Variants in UBE2W observed in about 807,000 individuals in gnomAD.
UBE2W encodes ubiquitin conjugating enzyme E2 W.
In UBE2W, 18 loss-of-function variants were observed where a neutral mutation model predicts 27.2. That is an observed-to-expected ratio of 0.66 (90% CI 0.46 to 0.98). The LOEUF is 0.98. UBE2W is among the 50% of genes least tolerant of loss of function. UBE2W has a pLI of 0.00. For missense variants in UBE2W, 90 were observed against 180.2 expected (o/e 0.50, Z 2.87); for synonymous variants, 53 against 57.2 (o/e 0.93, Z 0.33).
chr8:73,792,022 G>C lies in UBE2W; in HGVS notation c.*2080C>G. 2.0e-6 allele frequency: 2 copies of C among 985,152 alleles called. No homozygotes were observed. The highest frequency in any genetic ancestry group is 2.4e-6 in the Non-Finnish European group (2 of 829,792). The allele number at this position is 985,152 out of a possible 1,614,324, so 61.0% of individuals were successfully genotyped here. On this transcript the variant is annotated 3_prime_UTR_variant, in exon 6 of 6. Transcript: ENST00000602593. ...GGTCATTTCTTTATAAAAGCATTTT[G>C]GTAAGAGAACCAGCAATATGGAGAC...
chr8:73,840,189 T>C (rs1674134956), intron 1 of UBE2W, among the ~76,000 whole-genome samples: 1 of 152,140 alleles, frequency 6.6e-6, no homozygotes, highest in Non-Finnish European at 1.5e-5. Context: ...CCTGAGTAGC[T>C]GGGACTACAG....
At chr8:73,812,191 T>C (rs1809178242) in intron 3 of UBE2W, among the ~76,000 whole-genome samples, 1 of 150,098 alleles carries the variant, frequency 6.7e-6, no homozygotes. Context: ...TTTCTTTAAA[T>C]TCTGGACATC....
chr8:73,858,352 C>T (rs1340296664), intron 1 of UBE2W, among the ~76,000 whole-genome samples: 2 of 91,934 alleles, frequency 2.2e-5, no homozygotes, highest in African/African-American at 8.8e-5. Context: ...CAGAGCAAGA[C>T]TTCATCTCAA....
chr8:73,834,550 G>A (rs1019105982), intron 1 of UBE2W, among the ~76,000 whole-genome samples: 3 of 152,064 alleles, frequency 2.0e-5, no homozygotes, highest in Non-Finnish European at 4.4e-5. Flanking sequence ...GCTGAGGCAG[G>A]AGAATTGTTT....
At chr8:73,836,157 TCCTCATCAATATCA>T (rs1810302151) in intron 1 of UBE2W, among the ~76,000 whole-genome samples, 1 of 152,188 alleles carries the variant, frequency 6.6e-6, no homozygotes, top group Non-Finnish European at 1.5e-5. Context: ...GTCATCTACT[TCCTCATCAATATCA>T]CTAAGTCACA....
chr8:73,833,586 C>T (rs1341071457), intron 1 of UBE2W, among the ~76,000 whole-genome samples: 1 of 152,082 alleles, frequency 6.6e-6, no homozygotes, highest in African/African-American at 2.4e-5. Flanking sequence ...ATTTGTACAG[C>T]TTTTATTGTA....
At chr8:73,834,312 TTC>T (rs1400721354) in intron 1 of UBE2W, among the ~76,000 whole-genome samples, 2 of 152,234 alleles carry the variant, frequency 1.3e-5, no homozygotes, top group Non-Finnish European at 1.5e-5. Flanking sequence ...TTATGCAAAT[TTC>T]TGTTTGAACA....
chr8:73,806,569 G>A (rs1412990465), intron 4 of UBE2W, among the ~76,000 whole-genome samples: 2 of 151,680 alleles, frequency 1.3e-5, no homozygotes, highest in East Asian at 3.9e-4. Flanking sequence ...AAATTAGCCG[G>A]GCGTGTTGGC....
chr8:73,870,225 A>C (rs567234056), intron 1 of UBE2W: 2 of 1,564,186 alleles, frequency 1.3e-6, no homozygotes, highest in Non-Finnish European at 1.7e-6. Context: ...TATTTGACTA[A>C]TTCTCAAGTT....
At chr8:73,872,631 A>G (rs140363686) in intron 1 of UBE2W, among the ~76,000 whole-genome samples, 223 of 152,344 alleles carry the variant, frequency 1.5e-3, no homozygotes, top group African/African-American at 5.2e-3. Context: ...AAATCTGTTG[A>G]TGCTGTGAAG....
Position 73,790,000 on chromosome 8 carries a change from C to CTAAT in UBE2W, c.*4098_*4101dup. The CTAAT allele has an allele frequency of 4.1e-6, 4 of 985,050 alleles. No homozygotes were observed. Among genetic ancestry groups the CTAAT allele is most frequent in the Non-Finnish European group, 4.8e-6 (4 of 829,752 alleles). The allele number at this position is 985,050 out of a possible 1,614,324, so 61.0% of individuals were successfully genotyped here. A position where few individuals can be genotyped will look rare whatever the true frequency, so the allele number is the denominator to read the frequency against. On this transcript the variant is annotated 3_prime_UTR_variant, in exon 6 of 6. Transcript: ENST00000602593. ...TTTCCTTAATATTAGTACTAAAGAA[C>CTAAT]TAATTACAGCTAACAGCTCATTTAC...
intron 1 of UBE2W, among the ~76,000 whole-genome samples, chr8:73,866,281 AAAAAAAAAAAT>A (rs1368561767): frequency 1.1e-3 from 124 of 112,194 alleles, no homozygotes; most frequent in South Asian, 5.8e-3. Context: ...AAAAAAAAAA[AAAAAAAAAAAT>A]ATATATATAT....
In UBE2W at chr8:73,792,063, C is replaced by T. The variant is rs1808226266; in HGVS notation, c.*2039G>A. The T allele has an allele frequency of 1.0e-6, 1 of 985,190 alleles. No individual in the cohort carries two copies. The highest frequency in any genetic ancestry group is 1.2e-6 in the Non-Finnish European group (1 of 829,780). The allele number at this position is 985,190 out of a possible 1,614,324, so 61.0% of individuals were successfully genotyped here. A position where few individuals can be genotyped will look rare whatever the true frequency, so the allele number is the denominator to read the frequency against. On this transcript the variant is annotated 3_prime_UTR_variant, in exon 6 of 6. Transcript: ENST00000602593. The stretch of plus-strand genomic sequence containing the variant: ...ATATGGAGACAGATTTCTCCCTAAC[C>T]CCCAGAAGAAGATCAAGTCAAACAG...
chr8:73,861,944 C>G (rs1208019329), intron 1 of UBE2W, among the ~76,000 whole-genome samples: 2 of 152,130 alleles, frequency 1.3e-5, no homozygotes, highest in Non-Finnish European at 2.9e-5. Flanking sequence ...TATGTAGGAA[C>G]AAAACAAATA....
At chr8:73,797,320 T>A (rs1385039550) in intron 5 of UBE2W, among the ~76,000 whole-genome samples, 1 of 151,966 alleles carries the variant, frequency 6.6e-6, no homozygotes, top group Admixed American at 6.6e-5. Context: ...GTAATACAGG[T>A]CAGTGGATAT....
chr8:73,872,760 GAAGA>G (rs1218734646), intron 1 of UBE2W, among the ~76,000 whole-genome samples: 1 of 152,068 alleles, frequency 6.6e-6, no homozygotes, highest in Non-Finnish European at 1.5e-5. Flanking sequence ...CTAAAGAAAA[GAAGA>G]AATATTCCTG....
At chr8:73,833,093 A>G (rs776144431) in intron 1 of UBE2W, among the ~76,000 whole-genome samples, 27 of 151,402 alleles carry the variant, frequency 1.8e-4, no homozygotes, top group Non-Finnish European at 3.1e-4. Flanking sequence ...GCAGAGGCAG[A>G]AGAATCGCTT....
At chr8:73,806,281 C>G (rs914667285) in intron 4 of UBE2W, among the ~76,000 whole-genome samples, 1 of 151,952 alleles carries the variant, frequency 6.6e-6, no homozygotes, top group Admixed American at 6.6e-5. Flanking sequence ...ATCTCAGGTA[C>G]TTGGAAGGCT....
intron 3 of UBE2W, among the ~76,000 whole-genome samples, chr8:73,815,814 C>T (rs1586470177): frequency 6.6e-6 from 1 of 152,108 alleles, no homozygotes; most frequent in Non-Finnish European, 1.5e-5. Context: ...AATATGGATA[C>T]CAAGGTTTTT....
Sources: allele counts gnomAD v4.1 joint callset (sites outside exome capture counted in the v4.1 genomes callset), GRCh38; gene constraint gnomAD v4.1.1; transcripts MANE v1.5; gene names NCBI Gene and HGNC (gene_info 2026-07-23, HGNC 2026-07-21).